Variants in HEATR1 observed in about 807,000 individuals in gnomAD.
The protein encoded by HEATR1 is HEAT repeat-containing protein 1.
A neutral mutation model predicts 248.2 loss-of-function variants in HEATR1; 77 were observed. The observed-to-expected ratio is 0.31, with a 90% confidence interval of 0.26 to 0.37. The LOEUF (loss-of-function observed/expected upper bound fraction) is 0.37. Ranked by LOEUF, HEATR1 falls within the 10% of genes least tolerant of loss-of-function variation. The pLI is 1.00. For missense variants in HEATR1, 2,420 were observed against 2,504.9 expected (o/e 0.97, Z 0.72); for synonymous variants, 897 against 923.1 (o/e 0.97, Z 0.51).
At chr1:236,598,516 A>T (rs1168628505) in intron 4 of HEATR1, among the ~76,000 whole-genome samples, 1 of 152,172 alleles carries the variant, frequency 6.6e-6, no homozygotes, top group African/African-American at 2.4e-5. Flanking sequence ...GTGCCTAGGG[A>T]GCAGCAAGAT....
rs556317425 is a variant in HEATR1 at position 236,564,744 on chromosome 1, A to G, written c.4436-83T>C. 3.9e-6 allele frequency: 5 copies of G among 1,273,804 alleles called. No homozygotes were observed. The East Asian group carries it at 1.2e-4, about 30-fold the overall frequency. The allele number at this position is 1,273,804 out of a possible 1,614,324, so 78.9% of individuals were successfully genotyped here. On this transcript the variant is annotated intron_variant, in intron 31 of 44. Coordinates refer to ENST00000366582, the MANE Select transcript of HEATR1 (RefSeq NM_018072.6). ...AATTAACAGATATAACCTTTCAAGT[A>G]AAGGACAATTAACGGGATAACATTT... is the stretch of plus-strand genomic sequence containing the variant.
chr1:236,581,227 G>T lies in HEATR1; in HGVS notation c.2750C>A (p.Ser917Tyr), dbSNP rs764041923. The T allele has an allele frequency of 1.9e-6, 3 of 1,611,066 alleles. No individual in the cohort carries two copies. Among genetic ancestry groups the T allele is most frequent in the Non-Finnish European group, 2.5e-6 (3 of 1,177,556 alleles). Residue 917 changes from serine (S) to tyrosine (Y), a missense_variant, in exon 20 of 45, where the codon TCT becomes TAT. Transcript: ENST00000366582. ...QCKHQLASIS[S>Y]PVVTSLLINL... Reference sequence around the variant, plus strand: ...AACAATGCTACTTTTAATACCTGGAGAAGATATGGATGCCAGTTGGTGTTT... The same window carrying T: ...AACAATGCTACTTTTAATACCTGGATAAGATATGGATGCCAGTTGGTGTTT...
At position 236,559,726 on chromosome 1, in the gene HEATR1, G is replaced by T. The variant is rs749505335; in HGVS notation, c.4758C>A (p.Asp1586Glu). ...AATGAACACCTACCTTATCTAACAG[G>T]TCGTAAGCTTTACTAAGGAGCGCGC... The part of the protein sequence containing the change: ...FWRALLSKAY[D>E]LLDKVNALLP... Residue 1586 changes from aspartate (D) to glutamate (E), a missense_variant, in exon 34 of 45, where the codon GAC (aspartate) becomes GAA (glutamate). Coordinates refer to ENST00000366582, the MANE Select transcript of HEATR1 (RefSeq NM_018072.6). The T allele has an allele frequency of 9.9e-6, 16 of 1,612,884 alleles. 1 individual carries two copies. In the South Asian group the frequency reaches 1.5e-4, roughly 16 times the overall value.
rs373920421 is a variant in HEATR1 at position 236,590,970 on chromosome 1, T to C, written c.1423-16A>G. 1.5e-3 allele frequency: 1,933 copies of C among 1,277,640 alleles called. 2 individuals are homozygous for C. The highest frequency in any genetic ancestry group is 1.8e-3 in the Non-Finnish European group (1,748 of 945,162). 79.1% of individuals were successfully genotyped at this position (1,277,640 alleles called of 1,614,324 possible). A position where few individuals can be genotyped will look rare whatever the true frequency, so the allele number is the denominator to read the frequency against. ...CTGCTAAAAACTACAGGGTTCAACATAGTTATCAAATGATTTCACTTAATC... is the reference window on the plus strand; with the variant it reads ...CTGCTAAAAACTACAGGGTTCAACACAGTTATCAAATGATTTCACTTAATC... On this transcript the variant is annotated splice_polypyrimidine_tract_variant and intron_variant, in intron 11 of 44. Transcript: ENST00000366582.
chr1:236,556,046 A>G, intron 38 of HEATR1, 54 bp downstream of exon 38: 1 of 1,608,400 alleles, frequency 6.2e-7, no homozygotes, highest in Non-Finnish European at 8.5e-7. Context: ...AAGTTTACAC[A>G]TTGCAGTACC....
intron 20 of HEATR1, 66 bp downstream of exon 20, chr1:236,581,156 A>C: frequency 7.3e-7 from 1 of 1,369,714 alleles, no homozygotes; most frequent in Non-Finnish European, 1.0e-6. Context: ...TCCAAACTAC[A>C]TAAACCATAT....
Position 236,572,792 on chromosome 1 carries a change from C to G in HEATR1, c.3496G>C (p.Glu1166Gln). The change falls in exon 25 of 45, where the codon GAG (glutamate) becomes CAG (glutamine). Residue 1166 changes from glutamate (E) to glutamine (Q), a missense_variant. Physicochemically the swap from Glu to Gln is conservative, Grantham distance 29 (BLOSUM62 2). Coordinates refer to ENST00000366582, the MANE Select transcript of HEATR1 (RefSeq NM_018072.6). ...AAGGGTTTAGCTTTATCTGGTGGCT[C>G]CAGTTCTATTCGGACTTGTTCAGCA... ...VNAEQVRIEL[E>Q]PPDKAKPLGT... 6.2e-7 allele frequency: 1 copy of G among 1,613,866 alleles called. No individual in the cohort carries two copies. Among genetic ancestry groups the G allele is most frequent in the East Asian group, 2.2e-5 (1 of 44,868 alleles).
intron 12 of HEATR1, among the ~76,000 whole-genome samples, chr1:236,590,399 T>A (rs57976846): frequency 0.018 from 2,670 of 152,228 alleles, 17 homozygotes; most frequent in Middle Eastern, 0.072. Context: ...GCTAATTTTT[T>A]ATTTTTTGAA....
rs767069591 is a variant in HEATR1 at position 236,591,981 on chromosome 1, A to C, written c.1422+12T>G. The C allele has an allele frequency of 6.8e-7, 1 of 1,467,138 alleles. No individual in the cohort carries two copies. The allele number at this position is 1,467,138 out of a possible 1,614,324, so 90.9% of individuals were successfully genotyped here. A position where few individuals can be genotyped will look rare whatever the true frequency, so the allele number is the denominator to read the frequency against. On this transcript the variant is annotated intron_variant, in intron 11 of 44. Coordinates refer to ENST00000366582, the MANE Select transcript of HEATR1 (RefSeq NM_018072.6). ...CCCCAAATTGTCATAATTCCTTTGG[A>C]GAACAACATACCTGATACTTTCCTC...
chr1:236,570,064 G>A (rs368156596), intron 28 of HEATR1, among the ~76,000 whole-genome samples: 9 of 152,242 alleles, frequency 5.9e-5, no homozygotes, highest in South Asian at 2.1e-4. Context: ...CGAGGCGGGC[G>A]GATCATGACA....
chr1:236,571,499 C>G (rs763042819), intron 27 of HEATR1, 27 bp from the exon 28 acceptor site: 4 of 1,613,448 alleles, frequency 2.5e-6, no homozygotes, highest in South Asian at 2.2e-5. Flanking sequence ...GACAAAAACC[C>G]TAAGTGGCAG....
At chr1:236,602,922 CA>C (rs948208586) in intron 3 of HEATR1, 251 of 420,842 alleles carry the variant, frequency 6.0e-4, no homozygotes, top group South Asian at 8.9e-4. Context: ...GACTCTATCT[CA>C]AAAAAAAACT....
rs761501312 is a variant in HEATR1, at chr1:236,582,824, T to G, written c.2474A>C (p.Tyr825Ser). ...AAACAGCCCAATGAGCAAGTGCAGATAGTCCCTGCTGTCTTCTTTCAGTTG... is the reference window on the plus strand; with the variant it reads ...AAACAGCCCAATGAGCAAGTGCAGAGAGTCCCTGCTGTCTTCTTTCAGTTG... ...PEQLKEDSRD[Y>S]LHLLIGLFEM... Residue 825 changes from tyrosine to serine, a missense_variant, in exon 19 of 45, where the codon TAT becomes TCT. Tyr to Ser is a moderately radical substitution (Grantham distance 144). Coordinates refer to ENST00000366582, the MANE Select transcript of HEATR1 (RefSeq NM_018072.6). 6.2e-7 allele frequency: 1 copy of G among 1,613,886 alleles called. No homozygotes were observed. Among genetic ancestry groups the G allele is most frequent in the Non-Finnish European group, 8.5e-7 (1 of 1,179,734 alleles).
intron 42 of HEATR1, among the ~76,000 whole-genome samples, chr1:236,554,159 AGGTGG>A (rs1662868977): frequency 6.6e-6 from 1 of 152,238 alleles, no homozygotes; most frequent in African/African-American, 2.4e-5. Flanking sequence ...TGGGAGGCCA[AGGTGG>A]GTGGATCACT....
At chr1:236,571,089 C>T (rs975815180) in intron 28 of HEATR1, among the ~76,000 whole-genome samples, 5 of 152,138 alleles carry the variant, frequency 3.3e-5, no homozygotes, top group Admixed American at 6.5e-5. Flanking sequence ...TAAGTACTAA[C>T]CACAAATTAT....
intron 32 of HEATR1, among the ~76,000 whole-genome samples, chr1:236,563,003 CTAGA>C (rs1428052807): frequency 6.6e-6 from 1 of 152,178 alleles, no homozygotes; most frequent in Non-Finnish European, 1.5e-5. Flanking sequence ...ACACTGATCT[CTAGA>C]TAGTGTCTAC....
rs576961723 is a variant in HEATR1 at position 236,574,296 on chromosome 1, T to G, written c.3365A>C (p.Lys1122Thr). ...KPFFAAISDE[K>T]VQQKLLRMLF... ...CATTCTTAAAAGCTTCTGCTGAACTTTTTCATCTGATATGGCTGCAAAAAA... is the reference window on the plus strand; with the variant it reads ...CATTCTTAAAAGCTTCTGCTGAACTGTTTCATCTGATATGGCTGCAAAAAA... Residue 1122 changes from lysine to threonine, a missense_variant, in exon 24 of 45, where the codon AAA (lysine) becomes ACA (threonine). Physicochemically the swap from Lys to Thr is moderately conservative, Grantham distance 78 (BLOSUM62 -1). Transcript: ENST00000366582. 1 of 1,612,166 alleles carries G rather than the reference T, an allele frequency of 6.2e-7. No individual in the cohort carries two copies. Among genetic ancestry groups the G allele is most frequent in the Non-Finnish European group, 8.5e-7 (1 of 1,179,272 alleles).
Position 236,599,466 on chromosome 1 carries a change from T to C in HEATR1, c.501+17A>G, listed in dbSNP as rs1664258872. On this transcript the variant is annotated intron_variant, in intron 4 of 44. Coordinates refer to ENST00000366582, the MANE Select transcript of HEATR1 (RefSeq NM_018072.6). ...GATCTGTAATGATTACAGACATATG[T>C]CATTCAGCAATTATACCTTAACTGG... The C allele has an allele frequency of 3.7e-6, 6 of 1,606,252 alleles. No individual in the cohort carries two copies. In the South Asian group the frequency reaches 4.4e-5, roughly 12 times the overall value.
chr1:236,576,477 G>T, intron 21 of HEATR1, 100 bp from the exon 22 acceptor site: 1 of 902,710 alleles, frequency 1.1e-6, no homozygotes, highest in Non-Finnish European at 1.6e-6. Context: ...ATGTGACATT[G>T]TTTATAATTT....
Sources: allele counts gnomAD v4.1 joint callset (sites outside exome capture counted in the v4.1 genomes callset), GRCh38; gene constraint gnomAD v4.1.1; transcripts MANE v1.5; gene names NCBI Gene and HGNC (gene_info 2026-07-23, HGNC 2026-07-21).